RNF130: variants seen among roughly 807,000 people sequenced by gnomAD.
RNF130 encodes the protein ring finger protein 130.
In RNF130, 21 loss-of-function variants were observed where a neutral mutation model predicts 44.6. That is an observed-to-expected ratio of 0.47 (90% CI 0.33 to 0.68). The LOEUF is 0.68. RNF130 is among the 30% of genes least tolerant of loss of function. The pLI, the probability that RNF130 is intolerant of heterozygous loss-of-function variation, is 0.02. For synonymous variants in RNF130, 214 were observed against 210.4 expected, an observed-to-expected ratio of 1.02 and a Z score of -0.15; for missense variants, 479 against 560.6, an observed-to-expected ratio of 0.85 and a Z score of 1.47.
intron 1 of RNF130, among the ~76,000 whole-genome samples, chr5:180,041,438 T>G (rs1764415452): frequency 6.6e-6 from 1 of 152,194 alleles, no homozygotes; most frequent in Non-Finnish European, 1.5e-5. Flanking sequence ...TTTAAAATAC[T>G]CATAAGTACA....
chr5:179,944,994 G>A (rs899338343), intron 7 of RNF130, among the ~76,000 whole-genome samples: 4 of 152,176 alleles, frequency 2.6e-5, no homozygotes, highest in African/African-American at 9.7e-5. Flanking sequence ...GTTATAACTG[G>A]GCCAGGTGGG....
intron 2 of RNF130, among the ~76,000 whole-genome samples, chr5:180,031,044 T>G (rs1764120309): frequency 2.0e-5 from 3 of 152,224 alleles, no homozygotes; most frequent in East Asian, 1.9e-4. Context: ...GTGACCAACT[T>G]CCACTTAATA....
At chr5:179,930,153 G>A (rs1761785675) in intron 7 of RNF130, among the ~76,000 whole-genome samples, 1 of 152,128 alleles carries the variant, frequency 6.6e-6, no homozygotes, top group South Asian at 2.1e-4. Context: ...TGCCCCCCGG[G>A]TTCAAGCGAT....
chr5:180,064,484 T>C (rs1006837937), intron 1 of RNF130, among the ~76,000 whole-genome samples: 10 of 152,186 alleles, frequency 6.6e-5, no homozygotes, highest in Non-Finnish European at 1.0e-4. Flanking sequence ...TATTCCACCG[T>C]TCCAAACAGG....
At chr5:179,990,289 C>A (rs1763051378) in intron 3 of RNF130, among the ~76,000 whole-genome samples, 1 of 152,176 alleles carries the variant, frequency 6.6e-6, no homozygotes, top group Non-Finnish European at 1.5e-5. Flanking sequence ...GGACAGGGGG[C>A]CCTTCCCTGT....
chr5:179,982,927 A>C (rs538034799), intron 3 of RNF130, among the ~76,000 whole-genome samples: 1 of 152,064 alleles, frequency 6.6e-6, no homozygotes, highest in Non-Finnish European at 1.5e-5. Context: ...AATGATGTTG[A>C]CCATCTTTTC....
intron 1 of RNF130, among the ~76,000 whole-genome samples, chr5:180,057,080 C>A (rs540078889): frequency 9.2e-5 from 14 of 152,196 alleles, no homozygotes; most frequent in Non-Finnish European, 1.5e-4. Flanking sequence ...TTCAACCATA[C>A]CAGCGTCTGT....
chr5:179,998,077 T>A (rs1011288399), intron 3 of RNF130, among the ~76,000 whole-genome samples: 2 of 150,430 alleles, frequency 1.3e-5, no homozygotes, highest in African/African-American at 2.4e-5. Context: ...CTTGACCTCG[T>A]GATCCGCCAC....
chr5:179,981,244 C>T (rs1400707276), intron 3 of RNF130, among the ~76,000 whole-genome samples: 1 of 152,036 alleles, frequency 6.6e-6, no homozygotes, highest in Non-Finnish European at 1.5e-5. Context: ...ATCAGAGGGC[C>T]CTAGGAACAC....
At chr5:180,063,224 G>A (rs1287086471) in intron 1 of RNF130, among the ~76,000 whole-genome samples, 1 of 152,208 alleles carries the variant, frequency 6.6e-6, no homozygotes, top group African/African-American at 2.4e-5. Flanking sequence ...AAGAAAAAAG[G>A]CAGAGAGACC....
At chr5:179,987,139 CTTCCTCCT>C (rs914338317) in intron 3 of RNF130, among the ~76,000 whole-genome samples, 3 of 151,812 alleles carry the variant, frequency 2.0e-5, no homozygotes, top group Admixed American at 1.3e-4. Flanking sequence ...CCCTTCCTCC[CTTCCTCCT>C]TTCCTTCCTT....
chr5:180,071,223 A>C (rs1333764260), intron 1 of RNF130, among the ~76,000 whole-genome samples: 2 of 152,248 alleles, frequency 1.3e-5, no homozygotes, highest in Non-Finnish European at 2.9e-5. Flanking sequence ...CTGAACGCAA[A>C]GATGACCGTT....
chr5:179,957,480 C>A (rs886942513), intron 8 of RNF130, among the ~76,000 whole-genome samples: 6 of 152,194 alleles, frequency 3.9e-5, no homozygotes, highest in African/African-American at 1.4e-4. Context: ...CAAGTTCCCA[C>A]TGCCTTTAAT....
chr5:180,052,608 G>T (rs1764712157), intron 1 of RNF130, among the ~76,000 whole-genome samples: 1 of 152,202 alleles, frequency 6.6e-6, no homozygotes, highest in African/African-American at 2.4e-5. Context: ...TAATGACAAA[G>T]ACTGGGCTAT....
At chr5:180,019,418 A>G (rs1763822557) in intron 2 of RNF130, among the ~76,000 whole-genome samples, 1 of 151,952 alleles carries the variant, frequency 6.6e-6, no homozygotes, top group Admixed American at 6.6e-5. Flanking sequence ...GAAGTTCCAG[A>G]AGGACTGCTG....
At chr5:179,974,169 G>A (rs1762656794) in intron 5 of RNF130, among the ~76,000 whole-genome samples, 1 of 152,150 alleles carries the variant, frequency 6.6e-6, no homozygotes, top group African/African-American at 2.4e-5. Flanking sequence ...TGCTAGCTGG[G>A]GCTGGCAGCA....
At chr5:180,041,734 G>A (rs1381815879) in intron 1 of RNF130, among the ~76,000 whole-genome samples, 2 of 152,164 alleles carry the variant, frequency 1.3e-5, no homozygotes, top group Non-Finnish European at 2.9e-5. Context: ...AGTAAGGAAA[G>A]GGAACACAGC....
intron 1 of RNF130, among the ~76,000 whole-genome samples, chr5:180,048,376 T>C (rs1031357141): frequency 2.0e-5 from 3 of 152,126 alleles, no homozygotes; most frequent in African/African-American, 7.2e-5. Flanking sequence ...ATGATATTAT[T>C]ATCAAAGGCT....
At chr5:179,936,598 C>T (rs1244086898) in intron 7 of RNF130, among the ~76,000 whole-genome samples, 1 of 152,162 alleles carries the variant, frequency 6.6e-6, no homozygotes, top group Non-Finnish European at 1.5e-5. Flanking sequence ...CAATACTTTA[C>T]TATTTTCTGG....
Sources: gnomAD v4.1 joint callset for allele counts (sites outside exome capture counted in the v4.1 genomes callset) on GRCh38, gnomAD v4.1.1 for gene constraint, MANE v1.5 for transcripts, NCBI Gene and HGNC (gene_info 2026-07-23, HGNC 2026-07-21) for gene names.